DDB1: variants seen among roughly 807,000 people sequenced by gnomAD.
DDB1 encodes the protein DNA damage-binding protein 1.
In DDB1, 18 loss-of-function variants were observed where a neutral mutation model predicts 133.1. The observed-to-expected ratio is 0.14, with a 90% CI of 0.09 to 0.20. The LOEUF (loss-of-function observed/expected upper bound fraction) is 0.20, where lower values mean the gene tolerates loss of function less well. Among genes scored for constraint, DDB1 ranks in the 10% least tolerant of loss-of-function variants. DDB1 has a pLI of 1.00. For missense variants in DDB1, 828 were observed against 1,459.2 expected (o/e 0.57, Z 7.05); for synonymous variants, 580 against 550.5 (o/e 1.05, Z -0.75).
intron 10 of DDB1, among the ~76,000 whole-genome samples, chr11:61,320,075 G>C (rs771742047): frequency 2.0e-5 from 3 of 152,006 alleles, no homozygotes; most frequent in Admixed American, 2.0e-4. Flanking sequence ...ATTAATTTCA[G>C]TACATTACTT....
intron 19 of DDB1, among the ~76,000 whole-genome samples, 163 bp downstream of exon 19, chr11:61,310,132 C>G (rs55741058): frequency 6.6e-6 from 1 of 152,110 alleles, no homozygotes; most frequent in Non-Finnish European, 1.5e-5. Context: ...GAGAGGATGC[C>G]CAGCCCTCCA....
intron 22 of DDB1, 146 bp from the exon 23 acceptor site, chr11:61,303,301 G>A: frequency 2.9e-6 from 2 of 695,336 alleles, no homozygotes; most frequent in Non-Finnish European, 2.4e-6. Flanking sequence ...ACCCTAGAGG[G>A]ATTCTCCCCG....
At chr11:61,321,523 G>T (rs148110466) in intron 10 of DDB1, 72 bp downstream of exon 10, 1 of 1,396,824 alleles carries the variant, frequency 7.2e-7, no homozygotes, top group African/African-American at 1.4e-5. Flanking sequence ...CCACCAAAAC[G>T]CCTTCACAAC....
chr11:61,303,798 A>C, intron 22 of DDB1, 67 bp downstream of exon 22: 2 of 1,564,590 alleles, frequency 1.3e-6, no homozygotes, highest in Non-Finnish European at 1.7e-6. Context: ...ATCCTTCCCC[A>C]CCAGAGACAC....
intron 20 of DDB1, 81 bp from the exon 21 acceptor site, chr11:61,309,158 G>A: frequency 7.2e-7 from 1 of 1,396,670 alleles, no homozygotes. Flanking sequence ...TGCCCCTGTG[G>A]TACAAATTCT....
chr11:61,328,166 A>G (rs1415048420), intron 4 of DDB1, among the ~76,000 whole-genome samples: 1 of 152,186 alleles, frequency 6.6e-6, no homozygotes, highest in South Asian at 2.1e-4. Flanking sequence ...GAACATAGAG[A>G]AATTCTAAGT....
At chr11:61,331,727 G>A (rs1369723046) in intron 1 of DDB1, 36 bp from the exon 2 acceptor site, 2 of 1,611,430 alleles carry the variant, frequency 1.2e-6, no homozygotes, top group South Asian at 2.2e-5. Flanking sequence ...TGAACTCAGG[G>A]GAAGGGCCTC....
At chr11:61,318,170 T>C (rs1275982130) in intron 10 of DDB1, among the ~76,000 whole-genome samples, 1 of 152,248 alleles carries the variant, frequency 6.6e-6, no homozygotes, top group East Asian at 1.9e-4. Context: ...CAGAACACAG[T>C]ATTTAATTGT....
chr11:61,306,091 T>C (rs192615507), intron 21 of DDB1, among the ~76,000 whole-genome samples: 8 of 152,346 alleles, frequency 5.3e-5, no homozygotes, highest in Admixed American at 1.3e-4. Context: ...AATATTTCTA[T>C]TGGCTGGCAA....
chr11:61,316,199 G>C (rs1205948900), intron 12 of DDB1, 86 bp downstream of exon 12: 1 of 1,116,936 alleles, frequency 9.0e-7, no homozygotes, highest in Non-Finnish European at 1.3e-6. Flanking sequence ...CATAAAAATT[G>C]GTTGTTTTAA....
Position 61,313,853 on chromosome 11 carries a change from T to C in DDB1, c.1861+9A>G. On this transcript the variant is annotated intron_variant, in intron 15 of 26. Transcript: ENST00000301764. ...TGAAAGAGTCCCTCACTCAAAATAC[T>C]ACTCTCACCTGTCTCAATGTTGAGC... 1 of 1,613,868 alleles carries C rather than the reference T, an allele frequency of 6.2e-7. No individual in the cohort carries two copies. The highest frequency in any genetic ancestry group is 1.7e-5 in the Admixed American group (1 of 60,010).
At chr11:61,317,408 G>C (rs1178701073) in intron 10 of DDB1, among the ~76,000 whole-genome samples, 2 of 151,638 alleles carry the variant, frequency 1.3e-5, no homozygotes, top group Non-Finnish European at 2.9e-5. Context: ...CACCACGCCG[G>C]GCCAAAAGTT....
At position 61,331,557 on chromosome 11, in the gene DDB1, G is replaced by A. The variant is rs1385316161; in HGVS notation, c.196C>T (p.Leu66Phe). The change falls in exon 2 of 27, where the codon CTT becomes TTT. Residue 66 changes from leucine (L) to phenylalanine (F), a missense_variant. Transcript: ENST00000301764. ...GCAACACTTACCTTGGGCCTGAAAAGCTCCATGACCGCAATCTTCCCATAC... is the reference window on the plus strand; with the variant it reads ...GCAACACTTACCTTGGGCCTGAAAAACTCCATGACCGCAATCTTCCCATAC... Reference protein sequence around the residue: ...GMYGKIAVMELFRPKGESKDL... With the variant: ...GMYGKIAVMEFFRPKGESKDL... 1 of 1,614,098 alleles carries A rather than the reference G, an allele frequency of 6.2e-7. No homozygotes were observed. The highest frequency in any genetic ancestry group is 8.5e-7 in the Non-Finnish European group (1 of 1,180,000).
chr11:61,316,838 T>C (rs1389474901), intron 10 of DDB1, among the ~76,000 whole-genome samples: 1 of 145,688 alleles, frequency 6.9e-6, no homozygotes, highest in Non-Finnish European at 1.5e-5. Context: ...GTGGGGGGAT[T>C]GCTTAAGATT....
At chr11:61,311,273 T>C (rs1020427095) in intron 18 of DDB1, 1 of 132,212 alleles carries the variant, frequency 7.6e-6, no homozygotes, top group African/African-American at 3.7e-5. Flanking sequence ...TAACATAACA[T>C]AACATAACAT....
intron 5 of DDB1, 112 bp downstream of exon 5, chr11:61,326,667 C>G: frequency 1.2e-6 from 1 of 842,224 alleles, no homozygotes; most frequent in Non-Finnish European, 2.1e-6. Flanking sequence ...CAATGCACAC[C>G]TTCAATAATA....
chr11:61,299,741 TC>T lies in DDB1; in HGVS notation c.*394del. 1 of 240,348 alleles carries T rather than the reference TC, an allele frequency of 4.2e-6. No homozygotes were observed. The highest frequency in any genetic ancestry group is 8.3e-6 in the Non-Finnish European group (1 of 120,606). The allele number at this position is 240,348 out of a possible 1,614,324, so 14.9% of individuals were successfully genotyped here. Reference sequence around the variant, plus strand: ...TACCCACAACTCCCTACACTGCCAATCTAAATAAAAAGAGGACAATGCATGA... The same window carrying T: ...TACCCACAACTCCCTACACTGCCAATTAAATAAAAAGAGGACAATGCATGA... On this transcript the variant is annotated 3_prime_UTR_variant, in exon 27 of 27. Transcript: ENST00000301764.
At chr11:61,322,989 C>G in intron 8 of DDB1, 22 bp downstream of exon 8, 1 of 1,604,616 alleles carries the variant, frequency 6.2e-7, no homozygotes, top group Non-Finnish European at 8.5e-7. Flanking sequence ...AAAAAAGAAA[C>G]CAGAAACAAG....
chr11:61,319,593 G>A (rs1005529746), intron 10 of DDB1, among the ~76,000 whole-genome samples: 1 of 151,980 alleles, frequency 6.6e-6, no homozygotes, highest in African/African-American at 2.4e-5. Flanking sequence ...CACCACCCCC[G>A]GCTAATTTTT....
Sources: gnomAD v4.1 joint callset for allele counts (sites outside exome capture counted in the v4.1 genomes callset) on GRCh38, gnomAD v4.1.1 for gene constraint, MANE v1.5 for transcripts, NCBI Gene and HGNC (gene_info 2026-07-23, HGNC 2026-07-21) for gene names.